PSD2: variants seen among roughly 807,000 people sequenced by gnomAD.
The protein encoded by PSD2 is PH and SEC7 domain-containing protein 2.
Under a neutral mutation model 69.8 loss-of-function variants are expected in PSD2, and 38 were observed. The observed-to-expected ratio is 0.54, with a 90% CI of 0.42 to 0.71. The LOEUF is 0.71. Among genes scored for constraint, PSD2 ranks in the 30% least tolerant of loss-of-function variants. The pLI, the probability that PSD2 is intolerant of heterozygous loss-of-function variation, is 0.00. For missense variants in PSD2, 943 were observed against 1,014.5 expected (o/e 0.93, Z 0.96); for synonymous variants, 412 against 423.0 (o/e 0.97, Z 0.32).
Position 139,814,157 on chromosome 5 carries a change from C to T in PSD2, c.822-13C>T, listed in dbSNP as rs1286865804. The T allele has an allele frequency of 1.7e-5, 28 of 1,610,206 alleles. No homozygotes were observed. Among genetic ancestry groups the T allele is most frequent in the Non-Finnish European group, 2.4e-5 (28 of 1,178,630 alleles). ...CCTCTGACGCTACTCTTCCACCCACCTTCCATCTGCAGTGACCCCAGCCTG... is the reference window on the plus strand; with the variant it reads ...CCTCTGACGCTACTCTTCCACCCACTTTCCATCTGCAGTGACCCCAGCCTG... On this transcript the variant is annotated splice_polypyrimidine_tract_variant and intron_variant, in intron 3 of 14. Transcript: ENST00000274710. This position sits in a 1 kb window ranked among gnomAD's most constrained non-coding sequence, Gnocchi z 4.4.
Position 139,814,078 on chromosome 5 carries a change from T to C in PSD2, c.822-92T>C. On this transcript the variant is annotated intron_variant, in intron 3 of 14. Coordinates refer to ENST00000274710, the MANE Select transcript of PSD2 (RefSeq NM_032289.4). This position sits in a 1 kb window ranked among gnomAD's most constrained non-coding sequence, Gnocchi z 4.4. The stretch of plus-strand genomic sequence containing the variant: ...TTTCCCTGTTCTGGCCCCTACATGG[T>C]TTGCAGTGGCCTGGGGAAACCTCCC... The C allele has an allele frequency of 2.4e-6, 3 of 1,237,914 alleles. No homozygotes were observed. The highest frequency in any genetic ancestry group is 3.5e-6 in the Non-Finnish European group (3 of 866,352). The allele number at this position is 1,237,914 out of a possible 1,614,324, so 76.7% of individuals were successfully genotyped here.
rs1342072592 is a variant in PSD2, at chr5:139,822,865, C to T, written c.1269+81C>T. On this transcript the variant is annotated intron_variant, in intron 7 of 14. Coordinates refer to ENST00000274710, the MANE Select transcript of PSD2 (RefSeq NM_032289.4). ...GTTGATCCCGGCCCCTTCCTGAGAT[C>T]TCTTACTCAGTGGCCGGGCTTCTTT... is the stretch of plus-strand genomic sequence containing the variant. 2.1e-5 allele frequency: 27 copies of T among 1,285,674 alleles called. No individual in the cohort carries two copies. The East Asian group carries it at 7.1e-4, about 34-fold the overall frequency. 79.6% of individuals were successfully genotyped at this position (1,285,674 alleles called of 1,614,324 possible).
intron 7 of PSD2, among the ~76,000 whole-genome samples, chr5:139,830,848 T>G (rs1404163281): frequency 2.8e-5 from 4 of 143,262 alleles, no homozygotes; most frequent in Non-Finnish European, 6.0e-5. Context: ...TTTTTTTTAT[T>G]GATTCAATCT....
At chr5:139,840,527 G>T (rs1021495793) in intron 14 of PSD2, among the ~76,000 whole-genome samples, 5 of 151,594 alleles carry the variant, frequency 3.3e-5, no homozygotes, top group African/African-American at 1.2e-4. Flanking sequence ...AACCTGATAG[G>T]TTTAACAATT....
chr5:139,793,399 A>AG (rs1192781694), upstream of PSD2, among the ~76,000 whole-genome samples: 3 of 152,164 alleles, frequency 2.0e-5, no homozygotes, highest in Admixed American at 6.5e-5. Flanking sequence ...CACTTGACGG[A>AG]GGGGAAAGGA....
chr5:139,817,742 T>C (rs1047761071), intron 5 of PSD2, among the ~76,000 whole-genome samples, 181 bp downstream of exon 5: 2 of 152,138 alleles, frequency 1.3e-5, no homozygotes, highest in African/African-American at 4.8e-5. Context: ...GTGCCCACTT[T>C]GTAGTAGCTG....
At position 139,844,074 on chromosome 5, in the gene PSD2, C is replaced by T. The variant is rs914644388; in HGVS notation, c.*1600C>T. 1 of 152,164 alleles carries T rather than the reference C, an allele frequency of 6.6e-6. No individual in the cohort carries two copies. Among genetic ancestry groups the T allele is most frequent in the South Asian group, 2.1e-4 (1 of 4,832 alleles). The allele number at this position is 152,164 out of a possible 1,614,324, so 9.4% of individuals were successfully genotyped here. A position where few individuals can be genotyped will look rare whatever the true frequency, so the allele number is the denominator to read the frequency against. The stretch of plus-strand genomic sequence containing the variant: ...GTGTTTTAGACCCAAACCATCTGGC[C>T]CCTTCGTTTTGCTCAGAGGAAGTAA... On this transcript the variant is annotated 3_prime_UTR_variant, in exon 15 of 15. Coordinates refer to ENST00000274710, the MANE Select transcript of PSD2 (RefSeq NM_032289.4).
intron 7 of PSD2, among the ~76,000 whole-genome samples, chr5:139,831,876 G>A (rs1330757818): frequency 2.0e-5 from 3 of 152,150 alleles, no homozygotes; most frequent in Non-Finnish European, 4.4e-5. Flanking sequence ...ATGTTGAAGT[G>A]TGACTGGGGT....
intron 1 of PSD2, among the ~76,000 whole-genome samples, chr5:139,798,843 A>C (rs1277373630): frequency 6.6e-6 from 1 of 152,106 alleles, no homozygotes; most frequent in African/African-American, 2.4e-5. Context: ...TCCATATTTA[A>C]ATTTCTCTAG....
chr5:139,744,612 G>A, the PSD2 span, among the ~76,000 whole-genome samples: 3 of 152,080 alleles, frequency 2.0e-5, no homozygotes, highest in Admixed American at 6.5e-5. Context: ...CGGCGGGGGT[G>A]GGGGGAAGGC....
At chr5:139,804,892 TGTGTGTGCGTGC>T (rs1010632666) in intron 1 of PSD2, among the ~76,000 whole-genome samples, 2 of 151,688 alleles carry the variant, frequency 1.3e-5, no homozygotes, top group Non-Finnish European at 2.9e-5. Context: ...TGTGTGCATG[TGTGTGTGCGTGC>T]GTGTGTGCAT....
chr5:139,773,799 C>T, the PSD2 span, among the ~76,000 whole-genome samples: 5 of 152,100 alleles, frequency 3.3e-5, no homozygotes, highest in Non-Finnish European at 7.3e-5. Context: ...AGCATATCTT[C>T]GAGTTCTTGT....
At chr5:139,746,657 G>T in the PSD2 span, among the ~76,000 whole-genome samples, 1 of 152,212 alleles carries the variant, frequency 6.6e-6, no homozygotes, top group African/African-American at 2.4e-5. The surrounding 1 kb of genome is among the most constrained non-coding windows in gnomAD (Gnocchi z 4.5). Context: ...GGGCGGGATC[G>T]ATATCTGCCC....
chr5:139,811,871 C>G (rs979432194), intron 2 of PSD2, among the ~76,000 whole-genome samples: 3 of 152,028 alleles, frequency 2.0e-5, no homozygotes, highest in Admixed American at 1.3e-4. Context: ...GGGATTACAG[C>G]CGTGAGCCAC....
At chr5:139,763,106 G>C in the PSD2 span, among the ~76,000 whole-genome samples, 10 of 152,242 alleles carry the variant, frequency 6.6e-5, no homozygotes, top group African/African-American at 2.4e-4. Context: ...CCTCAGTGGG[G>C]TGCCTGAACA....
chr5:139,828,604 CAT>C (rs1382233782), intron 7 of PSD2, among the ~76,000 whole-genome samples: 6 of 152,178 alleles, frequency 3.9e-5, no homozygotes, highest in Non-Finnish European at 8.8e-5. Flanking sequence ...GTTTTTCTGC[CAT>C]AGGACCTTTG....
chr5:139,793,696 A>C (rs888834670), upstream of PSD2, among the ~76,000 whole-genome samples: 1 of 152,210 alleles, frequency 6.6e-6, no homozygotes, highest in African/African-American at 2.4e-5. Flanking sequence ...GAACCCTTTC[A>C]AGGGGCTCAG....
Position 139,802,402 on chromosome 5 carries a change from G to A in PSD2, c.-51+6427G>A, listed in dbSNP as rs1207019103. ...CTCTCAGGTCTGCCTCTGCCCAGGT[G>A]TTGTATCCGAGGCTGGGCTGGTTGG... On this transcript the variant is annotated intron_variant, in intron 1 of 14. Transcript: ENST00000274710. 3.3e-5 allele frequency among the ~76,000 whole-genome samples: 5 copies of A among 152,118 alleles called. No homozygotes were observed. In the East Asian group the frequency reaches 9.7e-4, roughly 30 times the overall value.
At chr5:139,841,844 G>A (rs918678109) in intron 14 of PSD2, among the ~76,000 whole-genome samples, 1 of 152,044 alleles carries the variant, frequency 6.6e-6, no homozygotes, top group African/African-American at 2.4e-5. Flanking sequence ...AAAAATTTTG[G>A]GTTGTCTTCT....
Sources: gnomAD v4.1 joint callset for allele counts (sites outside exome capture counted in the v4.1 genomes callset) on GRCh38, gnomAD v4.1.1 for gene constraint, Gnocchi (gnomAD v3.1) non-coding constraint, MANE v1.5 for transcripts, NCBI Gene and HGNC (gene_info 2026-07-23, HGNC 2026-07-21) for gene names.